Variants in CSMD1 observed in about 807,000 individuals in gnomAD.
CSMD1 encodes CUB and Sushi multiple domains 1.
In CSMD1, 213 loss-of-function variants were observed where a neutral mutation model predicts 417.5. The ratio of observed to expected loss-of-function variants is 0.51; its 90% CI spans 0.46 to 0.57. The LOEUF is 0.57. Ranked by LOEUF, CSMD1 falls within the 20% of genes least tolerant of loss-of-function variation. CSMD1 has a pLI of 0.00. For missense variants in CSMD1, 6,923 were observed against 4,529.7 expected (o/e 1.53, Z -15.17); for synonymous variants, 2,862 against 1,736.8 (o/e 1.65, Z -16.11).
intron 5 of CSMD1, among the ~76,000 whole-genome samples, chr8:3,831,768 G>C (rs62479938): frequency 0.024 from 3,648 of 152,186 alleles, 64 homozygotes; most frequent in Non-Finnish European, 0.037. Flanking sequence ...ACAACACATA[G>C]CCATTTGGGA....
At position 3,503,546 on chromosome 8, in the gene CSMD1, G is replaced by C. The variant is rs576953519; in HGVS notation, c.1345-9820C>G. On this transcript the variant is annotated intron_variant, in intron 10 of 69. Coordinates refer to ENST00000635120, the MANE Select transcript of CSMD1 (RefSeq NM_033225.6). ...CTAAAATCTCCCAGATGGTTCTCTG[G>C]ACCTTTAAGTATTACTGACATCCCC... Among the ~76,000 whole-genome samples, 53 of 152,312 alleles carry C rather than the reference G, an allele frequency of 3.5e-4. 1 individual carries two copies. Among genetic ancestry groups the C allele is most frequent in the Admixed American group, 2.6e-3 (40 of 15,300 alleles).
chr8:3,854,626 G>A (rs550744555), intron 5 of CSMD1, among the ~76,000 whole-genome samples: 2 of 151,974 alleles, frequency 1.3e-5, no homozygotes, highest in African/African-American at 4.8e-5. Flanking sequence ...TAGCTCCATT[G>A]TCAGGCCTTA....
intron 7 of CSMD1, among the ~76,000 whole-genome samples, chr8:3,658,525 G>A (rs915145714): frequency 2.7e-5 from 4 of 150,276 alleles, no homozygotes; most frequent in Admixed American, 6.7e-5. Flanking sequence ...TCTCATGCCT[G>A]TAATCCCAGC....
intron 3 of CSMD1, among the ~76,000 whole-genome samples, chr8:4,167,653 T>C (rs952061864): frequency 1.3e-5 from 2 of 152,158 alleles, no homozygotes; most frequent in African/African-American, 2.4e-5. Context: ...AAGATACAGA[T>C]TGGCCACATA....
intron 1 of CSMD1, among the ~76,000 whole-genome samples, chr8:4,706,194 T>C (rs1207139078): frequency 6.6e-6 from 1 of 151,606 alleles, no homozygotes; most frequent in Non-Finnish European, 1.5e-5. Context: ...AATATATTTT[T>C]TCCAAAATAT....
intron 1 of CSMD1, among the ~76,000 whole-genome samples, chr8:4,675,824 C>T (rs1156351015): frequency 6.6e-6 from 1 of 152,132 alleles, no homozygotes; most frequent in Non-Finnish European, 1.5e-5. Context: ...GCCAAAGGTA[C>T]TCTAATCATC....
chr8:3,483,159 G>C (rs908459745), intron 11 of CSMD1, among the ~76,000 whole-genome samples: 4 of 151,702 alleles, frequency 2.6e-5, no homozygotes, highest in African/African-American at 9.7e-5. Context: ...ATAAACAGTA[G>C]AAAAAATAAC....
At chr8:3,021,858 A>T (rs1310094011) in intron 51 of CSMD1, among the ~76,000 whole-genome samples, 1 of 148,204 alleles carries the variant, frequency 6.7e-6, no homozygotes, top group Non-Finnish European at 1.5e-5. Flanking sequence ...CAGCATCCGG[A>T]ATGCACCCGC....
At chr8:4,202,849 T>C (rs1799739660) in intron 3 of CSMD1, among the ~76,000 whole-genome samples, 1 of 152,106 alleles carries the variant, frequency 6.6e-6, no homozygotes, top group Non-Finnish European at 1.5e-5. Context: ...ACTTGAAACA[T>C]CAAATGCAGG....
intron 1 of CSMD1, among the ~76,000 whole-genome samples, chr8:4,795,371 A>T (rs1797920764): frequency 7.1e-6 from 1 of 140,384 alleles, no homozygotes; most frequent in African/African-American, 2.6e-5. Flanking sequence ...TCCCAGGTTC[A>T]AGCAATTCTC....
At chr8:4,473,127 C>A (rs997075161) in intron 2 of CSMD1, among the ~76,000 whole-genome samples, 2 of 152,074 alleles carry the variant, frequency 1.3e-5, no homozygotes. Flanking sequence ...ATAATTACAA[C>A]CTTATAGTAA....
At chr8:4,030,396 G>C (rs117009341) in intron 4 of CSMD1, among the ~76,000 whole-genome samples, 1 of 152,116 alleles carries the variant, frequency 6.6e-6, no homozygotes, top group Non-Finnish European at 1.5e-5. Context: ...CTACACATTC[G>C]CAGGCTCAAC....
At chr8:4,151,382 C>T (rs888429187) in intron 3 of CSMD1, among the ~76,000 whole-genome samples, 1 of 152,126 alleles carries the variant, frequency 6.6e-6, no homozygotes, top group African/African-American at 2.4e-5. Flanking sequence ...GTTTCTAGAT[C>T]CTGCTGACCA....
rs574396695 is a variant in CSMD1 at position 3,404,673 on chromosome 8, GA to G, written c.2266+1353del. On this transcript the variant is annotated intron_variant, in intron 15 of 69. Coordinates refer to ENST00000635120, the MANE Select transcript of CSMD1 (RefSeq NM_033225.6). ...GAGAAAATAAAAATAAACTAAGAGGGAAAAATCACCCATAACCATAATTAAC... is the reference window on the plus strand; with the variant it reads ...GAGAAAATAAAAATAAACTAAGAGGGAAAATCACCCATAACCATAATTAAC... Among the ~76,000 whole-genome samples, 599 of 152,198 alleles carry G rather than the reference GA, an allele frequency of 3.9e-3. 8 individuals carry two copies. The highest frequency in any genetic ancestry group is 0.013 in the African/African-American group (550 of 41,536).
intron 3 of CSMD1, among the ~76,000 whole-genome samples, chr8:4,179,000 G>A (rs1317010213): frequency 2.0e-5 from 3 of 152,094 alleles, no homozygotes; most frequent in African/African-American, 7.2e-5. Flanking sequence ...TGGCCATACT[G>A]CCCAAGGTAA....
chr8:4,066,686 C>T (rs1799267607), intron 3 of CSMD1, among the ~76,000 whole-genome samples: 2 of 152,080 alleles, frequency 1.3e-5, no homozygotes, highest in African/African-American at 2.4e-5. Flanking sequence ...CTATTCTATC[C>T]AACCTGAAAT....
At position 3,642,747 on chromosome 8, in the gene CSMD1, G is replaced by A. The variant is rs189447575; in HGVS notation, c.1010-25950C>T. Among the ~76,000 whole-genome samples, 3 of 152,174 alleles carry A rather than the reference G, an allele frequency of 2.0e-5. No homozygotes were observed. In the South Asian group the frequency reaches 6.2e-4, roughly 32 times the overall value. On this transcript the variant is annotated intron_variant, in intron 7 of 69. Coordinates refer to ENST00000635120, the MANE Select transcript of CSMD1 (RefSeq NM_033225.6). ...GTAAAAGAAAGACTAGAAAACACGAGTATGGAACAAGAAGGCAATAAACGC... is the reference window on the plus strand; with the variant it reads ...GTAAAAGAAAGACTAGAAAACACGAATATGGAACAAGAAGGCAATAAACGC...
At chr8:3,822,935 T>C (rs1281265726) in intron 5 of CSMD1, among the ~76,000 whole-genome samples, 1 of 152,230 alleles carries the variant, frequency 6.6e-6, no homozygotes, top group Non-Finnish European at 1.5e-5. Flanking sequence ...TTTGGTATTC[T>C]ATCCCTGGGC....
At chr8:4,288,187 T>C (rs1272837025) in intron 3 of CSMD1, among the ~76,000 whole-genome samples, 1 of 152,146 alleles carries the variant, frequency 6.6e-6, no homozygotes. Context: ...TTTTCTTTTT[T>C]ACTGGTACTG....
Sources: gnomAD v4.1 joint callset for allele counts (sites outside exome capture counted in the v4.1 genomes callset) on GRCh38, gnomAD v4.1.1 for gene constraint, MANE v1.5 for transcripts, NCBI Gene and HGNC (gene_info 2026-07-23, HGNC 2026-07-21) for gene names.